Variants in KDM5A observed in about 807,000 individuals in gnomAD.
The protein encoded by KDM5A is lysine-specific demethylase 5A.
A neutral mutation model predicts 193.5 loss-of-function variants in KDM5A; 42 were observed. The observed-to-expected ratio is 0.22, with a 90% CI of 0.17 to 0.28. The LOEUF (loss-of-function observed/expected upper bound fraction) is 0.28, where lower values mean the gene tolerates loss of function less well. KDM5A is among the 10% of genes least tolerant of loss of function. The pLI is 1.00. For missense variants in KDM5A, 1,692 were observed against 2,055.1 expected, an observed-to-expected ratio of 0.82 and a Z score of 3.42; for synonymous variants, 796 against 718.1, an observed-to-expected ratio of 1.11 and a Z score of -1.73.
chr12:377,237 G>A (rs900650170), intron 3 of KDM5A, among the ~76,000 whole-genome samples: 2 of 152,068 alleles, frequency 1.3e-5, no homozygotes, highest in South Asian at 4.1e-4. Context: ...AAAGCTATAG[G>A]TAAGTAAACT....
intron 12 of KDM5A, among the ~76,000 whole-genome samples, chr12:332,637 A>C (rs903920893): frequency 6.6e-6 from 1 of 152,204 alleles, no homozygotes; most frequent in Non-Finnish European, 1.5e-5. Context: ...TTTTTATTTC[A>C]TTATCTCATG....
intron 10 of KDM5A, among the ~76,000 whole-genome samples, chr12:341,631 G>T (rs1273517191): frequency 6.6e-6 from 1 of 152,178 alleles, no homozygotes; most frequent in Non-Finnish European, 1.5e-5. Flanking sequence ...GCTGGGTGTG[G>T]TGGTTTACAT....
chr12:313,165 C>T lies in KDM5A; in HGVS notation c.2927G>A (p.Ser976Asn). ...RPRHSVASLE[S>N]IVNEAKNIPA... ...AATGTTCTTGGCTTCATTCACAATG[C>T]TTTCTAAACTTGCCACACTGTGCCT... The change falls in exon 20 of 28, where the codon AGC (serine) becomes AAC (asparagine). Residue 976 changes from serine to asparagine, a missense_variant. Transcript: ENST00000399788. The T allele has an allele frequency of 6.2e-7, 1 of 1,614,064 alleles. No homozygotes were observed. The highest frequency in any genetic ancestry group is 2.2e-5 in the East Asian group (1 of 44,866).
intron 3 of KDM5A, among the ~76,000 whole-genome samples, chr12:376,676 C>G (rs1170011571): frequency 6.6e-6 from 1 of 152,194 alleles, no homozygotes; most frequent in Non-Finnish European, 1.5e-5. Context: ...GTCGCTCACG[C>G]TGGGAGCTGT....
chr12:306,893 T>A lies in KDM5A; in HGVS notation c.4074+53A>T, dbSNP rs562164057. On this transcript the variant is annotated intron_variant, in intron 24 of 27. Coordinates refer to ENST00000399788, the MANE Select transcript of KDM5A (RefSeq NM_001042603.3). ...ACTGTTCAATAGCTTTTTTTTTTTTTAAACAAACCCAATGATCAGGTATGT... is the reference window on the plus strand; with the variant it reads ...ACTGTTCAATAGCTTTTTTTTTTTTAAAACAAACCCAATGATCAGGTATGT... The A allele has an allele frequency of 1.4e-4, 223 of 1,546,054 alleles. 3 individuals are homozygous for A. In the South Asian group the frequency reaches 2.0e-3, roughly 14 times the overall value.
chr12:341,405 A>G (rs948039468), intron 10 of KDM5A, among the ~76,000 whole-genome samples: 5 of 152,176 alleles, frequency 3.3e-5, no homozygotes, highest in African/African-American at 1.2e-4. Flanking sequence ...CCCTTGGTAA[A>G]TCCCAAAGTC....
chr12:349,115 G>A (rs12315694), intron 10 of KDM5A, among the ~76,000 whole-genome samples: 10,548 of 151,028 alleles, frequency 0.07, 827 homozygotes, highest in East Asian at 0.35. Flanking sequence ...CTGCCTCCTG[G>A]ATTCAAGTGA....
At chr12:352,633 T>A (rs1944177854) in intron 8 of KDM5A, among the ~76,000 whole-genome samples, 1 of 152,210 alleles carries the variant, frequency 6.6e-6, no homozygotes. Flanking sequence ...TGCCTAGGGA[T>A]GCCTAACATT....
At chr12:308,866 C>T (rs542956423) in intron 22 of KDM5A, among the ~76,000 whole-genome samples, 2 of 152,264 alleles carry the variant, frequency 1.3e-5, no homozygotes, top group East Asian at 3.9e-4. Flanking sequence ...TCCTCAGGCT[C>T]CTAGTAATCT....
intron 19 of KDM5A, among the ~76,000 whole-genome samples, chr12:317,464 T>C (rs1943662955): frequency 6.6e-6 from 1 of 152,238 alleles, no homozygotes; most frequent in Non-Finnish European, 1.5e-5. Context: ...ATGAGCTTTA[T>C]ACTTCTTACT....
intron 3 of KDM5A, among the ~76,000 whole-genome samples, chr12:378,727 G>A (rs1411088463): frequency 6.6e-6 from 1 of 152,214 alleles, no homozygotes; most frequent in Non-Finnish European, 1.5e-5. Flanking sequence ...GGGAGGCCAA[G>A]GCGGGCGGAT....
chr12:367,351 A>C (rs1944370259), intron 3 of KDM5A, among the ~76,000 whole-genome samples: 1 of 150,194 alleles, frequency 6.7e-6, no homozygotes, highest in African/African-American at 2.4e-5. Context: ...AGGAGTTTCA[A>C]ACCATGCTGG....
intron 9 of KDM5A, 137 bp downstream of exon 9, chr12:352,068 C>A: frequency 1.4e-6 from 1 of 717,064 alleles, no homozygotes; most frequent in Non-Finnish European, 2.2e-6. Context: ...TGTGCCACTG[C>A]ACTCCAGCCT....
chr12:297,034 G>A lies in KDM5A; in HGVS notation c.4234+7C>T, dbSNP rs1943382443. 6.2e-7 allele frequency: 1 copy of A among 1,613,508 alleles called. No individual in the cohort carries two copies. Among genetic ancestry groups the A allele is most frequent in the African/African-American group, 1.3e-5 (1 of 75,024 alleles). On this transcript the variant is annotated splice_region_variant and intron_variant, in intron 25 of 27. Transcript: ENST00000399788. ...ATGTTCCCCACAGTTTTTTAAAGGAGTAATACCTTGAGAACAACTCTTAGA... is the reference window on the plus strand; with the variant it reads ...ATGTTCCCCACAGTTTTTTAAAGGAATAATACCTTGAGAACAACTCTTAGA...
Position 354,084 on chromosome 12 carries a change from C to G in KDM5A, c.1021G>C (p.Val341Leu), listed in dbSNP as rs771107045. 1 of 1,613,718 alleles carries G rather than the reference C, an allele frequency of 6.2e-7. No individual in the cohort carries two copies. Among genetic ancestry groups the G allele is most frequent in the East Asian group, 2.2e-5 (1 of 44,872 alleles). The change falls in exon 8 of 28, where the codon GTC (valine) becomes CTC (leucine). Residue 341 changes from valine to leucine, a missense_variant. Val to Leu is a conservative substitution (Grantham distance 32). Around this residue, in one of 11 missense-constraint regions of KDM5A, gnomAD observed 62 missense variants for 107.1 expected, o/e 0.58. Transcript: ENST00000399788. ...PKGDWRCPKC[V>L]AEECSKPREA... ...AGAGGTTAGACGTGTACCTCGGCGA[C>G]ACATTTAGGACACCTCCAGTCTCCT...
At chr12:380,996 TA>T (rs199814063) in intron 3 of KDM5A, among the ~76,000 whole-genome samples, 23 of 72,658 alleles carry the variant, frequency 3.2e-4, no homozygotes, top group South Asian at 1.5e-3. Flanking sequence ...GGTTTTATTT[TA>T]TTTTTTTTTT....
chr12:322,953 A>T, intron 16 of KDM5A, 129 bp downstream of exon 16: 1 of 1,217,742 alleles, frequency 8.2e-7, no homozygotes, highest in Non-Finnish European at 1.2e-6. Flanking sequence ...CAATCAACCC[A>T]TTAATCTCAA....
rs2137410424 is a variant in KDM5A, at chr12:323,115, C to G, written c.2242G>C (p.Glu748Gln). The G allele has an allele frequency of 6.6e-7, 1 of 1,523,260 alleles. No individual in the cohort carries two copies. The highest frequency in any genetic ancestry group is 8.9e-7 in the Non-Finnish European group (1 of 1,124,012). The allele number at this position is 1,523,260 out of a possible 1,614,324, so 94.4% of individuals were successfully genotyped here. Reference sequence around the variant, plus strand: ...TGGTTGAAGTTAGCAGACAATGCTTCTGTAACACGACTGACCCAAGTGTCA... The same window carrying G: ...TGGTTGAAGTTAGCAGACAATGCTTGTGTAACACGACTGACCCAAGTGTCA... ...SYDTWVSRVT[E>Q]ALSANFNHKK... Residue 748 changes from glutamate to glutamine, a missense_variant, in exon 16 of 28, where the codon GAA becomes CAA. Coordinates refer to ENST00000399788, the MANE Select transcript of KDM5A (RefSeq NM_001042603.3).
rs550656091 is a variant in KDM5A, at chr12:337,009, A to G, written c.1309-2587T>C. ...ATCTCATGTTGAATTGGAATCCCCA[A>G]TGTTGGAGGAGGGACCTGGTGGAAG... On this transcript the variant is annotated intron_variant, in intron 10 of 27. Coordinates refer to ENST00000399788, the MANE Select transcript of KDM5A (RefSeq NM_001042603.3). Among the ~76,000 whole-genome samples, 195 of 152,150 alleles carry G rather than the reference A, an allele frequency of 1.3e-3. 1 individual carries two copies. The highest frequency in any genetic ancestry group is 2.0e-3 in the Non-Finnish European group (136 of 67,978).
Sources: allele counts gnomAD v4.1 joint callset (sites outside exome capture counted in the v4.1 genomes callset), GRCh38; gene constraint gnomAD v4.1.1; regional missense constraint gnomAD v4.1.1; transcripts MANE v1.5; gene names NCBI Gene and HGNC (gene_info 2026-07-23, HGNC 2026-07-21).